WFS1: variants seen among roughly 807,000 people sequenced by gnomAD.
WFS1 encodes the protein wolframin ER transmembrane glycoprotein.
WFS1 carries 90 observed loss-of-function variants against 68.5 expected under a neutral mutation model. The observed-to-expected ratio is 1.31, with a 90% CI of 1.11 to 1.56. The LOEUF (loss-of-function observed/expected upper bound fraction) is 1.56, where lower values mean the gene tolerates loss of function less well. Ranked by LOEUF, WFS1 falls within the 40% of genes most tolerant of loss-of-function variation. WFS1 has a pLI of 0.00. For synonymous variants in WFS1, 860 were observed against 540.7 expected (o/e 1.59, Z -8.19); for missense variants, 1,767 against 1,232.6 (o/e 1.43, Z -6.49).
chr4:6,270,654 C>T (rs1398259330), intron 1 of WFS1, among the ~76,000 whole-genome samples: 2 of 152,200 alleles, frequency 1.3e-5, no homozygotes, highest in East Asian at 3.9e-4. Context: ...TGAACTCCAC[C>T]CTCTGGATCA....
chr4:6,300,247 C>A (rs570475855), intron 7 of WFS1, among the ~76,000 whole-genome samples: 1 of 152,134 alleles, frequency 6.6e-6, no homozygotes, highest in Non-Finnish European at 1.5e-5. Flanking sequence ...TAGTGCAGAG[C>A]TGGGTCACAA....
At chr4:6,298,832 T>C (rs1730730265) in intron 7 of WFS1, among the ~76,000 whole-genome samples, 1 of 152,196 alleles carries the variant, frequency 6.6e-6, no homozygotes, top group Non-Finnish European at 1.5e-5. Flanking sequence ...CTGGGATCCC[T>C]CCTTGGCCTT....
At chr4:6,286,273 G>C (rs1730305866) in intron 2 of WFS1, among the ~76,000 whole-genome samples, 2 of 152,178 alleles carry the variant, frequency 1.3e-5, no homozygotes, top group South Asian at 2.1e-4. Flanking sequence ...TAGGAGGTGG[G>C]GCCTTTGGAG....
intron 2 of WFS1, among the ~76,000 whole-genome samples, chr4:6,282,572 A>G (rs1485459699): frequency 6.6e-6 from 1 of 152,206 alleles, no homozygotes; most frequent in Non-Finnish European, 1.5e-5. Context: ...AGCATTTGAC[A>G]TACATCCAAA....
chr4:6,299,827 T>A (rs112428272), intron 7 of WFS1, among the ~76,000 whole-genome samples: 8,753 of 123,942 alleles, frequency 0.071, 388 homozygotes, highest in Middle Eastern at 0.13. Flanking sequence ...TGCGTGTGTG[T>A]GAATGTGTAT....
In WFS1 at chr4:6,291,960, G is replaced by T; in HGVS notation, c.675G>T (p.Lys225Asn). 1.2e-6 allele frequency: 2 copies of T among 1,611,104 alleles called. No individual in the cohort carries two copies. The highest frequency in any genetic ancestry group is 8.5e-7 in the Non-Finnish European group (1 of 1,179,352). The change falls in exon 6 of 8, where the codon AAG (lysine) becomes AAT (asparagine). Residue 225 changes from lysine (K) to asparagine (N), a missense_variant. Transcript: ENST00000226760. ...GCCCCGTGCCCAAGTCCCTGCAGAAGCAGAGGCGCATGCTGGAGCGCCTGG... is the reference window on the plus strand; with the variant it reads ...GCCCCGTGCCCAAGTCCCTGCAGAATCAGAGGCGCATGCTGGAGCGCCTGG... ...QPGPVPKSLQ[K>N]QRRMLERLVS...
At chr4:6,273,246 C>A (rs1284901771) in intron 1 of WFS1, among the ~76,000 whole-genome samples, 1 of 152,250 alleles carries the variant, frequency 6.6e-6, no homozygotes, top group African/African-American at 2.4e-5. Context: ...GCAGCCCTCT[C>A]CAGGTGGCGG....
rs113651985 is a variant in WFS1, at chr4:6,289,120, C to T, written c.449C>T (p.Ala150Val). ...GTGAAGCTGCTTCGCCGGTGCTTGG[C>T]GGACAGAAGAGGTGGGTCTGTGTGA... Reference protein sequence around the residue: ...EAVKLLRRCLADRRGITSENE... With the variant: ...EAVKLLRRCLVDRRGITSENE... Residue 150 changes from alanine to valine, a missense_variant, in exon 4 of 8, where the codon GCG becomes GTG. Coordinates refer to ENST00000226760, the MANE Select transcript of WFS1 (RefSeq NM_006005.3). 208 of 1,577,956 alleles carry T rather than the reference C, an allele frequency of 1.3e-4. No individual in the cohort carries two copies. The East Asian group carries it at 2.7e-3, about 20-fold the overall frequency.
At chr4:6,286,537 G>T (rs1306635087) in intron 2 of WFS1, among the ~76,000 whole-genome samples, 2 of 152,146 alleles carry the variant, frequency 1.3e-5, no homozygotes, top group Admixed American at 1.3e-4. Context: ...TGTTATAACA[G>T]CTCGAACAGA....
chr4:6,277,508 C>G lies in WFS1; in HGVS notation c.53C>G (p.Ala18Gly). ...LGPSCPQPPP[A>G]PQPQARSRLN... ...CCCTCCTGCCCACAGCCCCCGCCAG[C>G]ACCGCAGCCCCAGGCGCGTTCCCGA... Residue 18 changes from alanine (A) to glycine (G), a missense_variant, in exon 2 of 8, where the codon GCA (alanine) becomes GGA (glycine). Transcript: ENST00000226760. 1.3e-6 allele frequency: 2 copies of G among 1,579,544 alleles called. No individual in the cohort carries two copies. Among genetic ancestry groups the G allele is most frequent in the Non-Finnish European group, 1.7e-6 (2 of 1,163,404 alleles).
rs371470711 is a variant in WFS1, at chr4:6,301,247, T to G, written c.1452T>G (p.Leu484=). Residue 484 remains leucine (L), a synonymous_variant, in exon 8 of 8, where the codon CTT becomes CTG. Coordinates refer to ENST00000226760, the MANE Select transcript of WFS1 (RefSeq NM_006005.3). ...TGAATTGGCCCTACCTGAAGGTCCT[T>G]GGCCAGACCTTCATCACCGTGCCTG... The part of the protein sequence containing the change: ...MPLNWPYLKV[L]GQTFITVPVG... 2.5e-5 allele frequency: 40 copies of G among 1,611,484 alleles called. 1 individual carries two copies. In the African/African-American group the frequency reaches 4.8e-4, roughly 19 times the overall value.
chr4:6,301,452 G>A lies in WFS1; in HGVS notation c.1657G>A (p.Gly553Ser), dbSNP rs150840308. 8.6e-5 allele frequency: 138 copies of A among 1,612,396 alleles called. No individual in the cohort carries two copies. The highest frequency in any genetic ancestry group is 3.2e-4 in the Admixed American group (19 of 60,012). ...LSVVILLEST[G>S]LGLLRASIGY... ...CGTGGTCATCCTGCTGGAGTCCACC[G>A]GCCTGGGGCTGCTCCGCGCCTCCAT... The change falls in exon 8 of 8, where the codon GGC (glycine) becomes AGC (serine). Residue 553 changes from glycine to serine, a missense_variant. Physicochemically the swap from Gly to Ser is moderately conservative, Grantham distance 56. Coordinates refer to ENST00000226760, the MANE Select transcript of WFS1 (RefSeq NM_006005.3).
At position 6,301,270 on chromosome 4, in the gene WFS1, C is replaced by A; in HGVS notation, c.1475C>A (p.Pro492His). The change falls in exon 8 of 8, where the codon CCT becomes CAT. Residue 492 changes from proline (P) to histidine (H), a missense_variant. Coordinates refer to ENST00000226760, the MANE Select transcript of WFS1 (RefSeq NM_006005.3). ...CTTGGCCAGACCTTCATCACCGTGC[C>A]TGTCGGCCACCTGGTCGTCCTCAAC... ...KVLGQTFITVPVGHLVVLNVS... is the reference protein window; with the variant it reads ...KVLGQTFITVHVGHLVVLNVS... 1 of 1,611,380 alleles carries A rather than the reference C, an allele frequency of 6.2e-7. No homozygotes were observed. Among genetic ancestry groups the A allele is most frequent in the Non-Finnish European group, 8.5e-7 (1 of 1,180,016 alleles).
At chr4:6,299,365 T>G (rs1041786291) in intron 7 of WFS1, among the ~76,000 whole-genome samples, 234 of 152,006 alleles carry the variant, frequency 1.5e-3, no homozygotes, top group African/African-American at 4.0e-3. Context: ...GACCCACAGG[T>G]CGGGGGAAGG....
At chr4:6,270,375 G>A (rs1276943025) in intron 1 of WFS1, among the ~76,000 whole-genome samples, 1 of 144,260 alleles carries the variant, frequency 6.9e-6, no homozygotes, top group Non-Finnish European at 1.5e-5. Flanking sequence ...GAGTTGCCCC[G>A]TCATGCCCCT....
At chr4:6,293,752 TG>T (rs1730543006) in intron 6 of WFS1, among the ~76,000 whole-genome samples, 3 of 152,310 alleles carry the variant, frequency 2.0e-5, no homozygotes, top group Admixed American at 2.0e-4. Flanking sequence ...GCCTTCCTTG[TG>T]GGGACCAGGG....
intron 7 of WFS1, among the ~76,000 whole-genome samples, chr4:6,298,919 G>C (rs987380197): frequency 1.6e-4 from 24 of 152,226 alleles, no homozygotes; most frequent in African/African-American, 5.8e-4. Flanking sequence ...GGAGCTGATG[G>C]GGGGCTCCAG....
intron 2 of WFS1, among the ~76,000 whole-genome samples, chr4:6,279,991 G>T (rs1335371304): frequency 1.3e-5 from 2 of 152,266 alleles, no homozygotes; most frequent in Non-Finnish European, 2.9e-5. Context: ...TGGCTCTGTG[G>T]CCTTGGCAAG....
In WFS1 at chr4:6,287,303, C is replaced by T; in HGVS notation, c.315+128C>T. On this transcript the variant is annotated intron_variant, in intron 3 of 7. Transcript: ENST00000226760. The surrounding 1 kb of genome is among the most constrained non-coding windows in gnomAD (Gnocchi z 6.4). ...CGGGGTCAGGAGCCAGCGTGGTGCA[C>T]CCTACCCCACTTGAGCCCCATGTTG... The T allele has an allele frequency of 1.2e-6, 1 of 822,416 alleles. No individual in the cohort carries two copies. Among genetic ancestry groups the T allele is most frequent in the South Asian group, 1.5e-5 (1 of 68,392 alleles). The allele number at this position is 822,416 out of a possible 1,614,324, so 50.9% of individuals were successfully genotyped here. A position where few individuals can be genotyped will look rare whatever the true frequency, so the allele number is the denominator to read the frequency against.
Sources: gnomAD v4.1 joint callset for allele counts (sites outside exome capture counted in the v4.1 genomes callset) on GRCh38, gnomAD v4.1.1 for gene constraint, Gnocchi (gnomAD v3.1) non-coding constraint, MANE v1.5 for transcripts, NCBI Gene and HGNC (gene_info 2026-07-23, HGNC 2026-07-21) for gene names.